CREBBP: variants seen among roughly 807,000 people sequenced by gnomAD.
The protein encoded by CREBBP is CREB binding lysine acetyltransferase.
Under a neutral mutation model 265.0 loss-of-function variants are expected in CREBBP, and 19 were observed. The observed-to-expected ratio is 0.07, with a 90% CI of 0.05 to 0.11. The LOEUF is 0.11. Ranked by LOEUF, CREBBP falls within the 10% of genes least tolerant of loss-of-function variation. CREBBP has a pLI of 1.00. For missense variants in CREBBP, 2,525 were observed against 3,219.0 expected (o/e 0.78, Z 5.22); for synonymous variants, 1,457 against 1,223.7 (o/e 1.19, Z -3.98).
chr16:3,879,860 C>A lies in CREBBP; in HGVS notation c.57G>T (p.Ser19=), dbSNP rs142859543. Residue 19 remains serine, a synonymous_variant, in exon 1 of 31, where the codon TCG becomes TCT. Coordinates refer to ENST00000262367, the MANE Select transcript of CREBBP (RefSeq NM_004380.3). ...PPNPKRAKLS[S]PGFSANDSTD... ...TGCTGTCATTCGCCGAGAAACCGGGCGAGCTGAGTTTGGCTCTTTTGGGGT... is the reference window on the plus strand; with the variant it reads ...TGCTGTCATTCGCCGAGAAACCGGGAGAGCTGAGTTTGGCTCTTTTGGGGT... The A allele has an allele frequency of 1.9e-5, 31 of 1,611,948 alleles. No individual in the cohort carries two copies. Among genetic ancestry groups the A allele is most frequent in the Non-Finnish European group, 2.5e-5 (29 of 1,179,166 alleles).
Position 3,780,776 on chromosome 16 carries a change from G to A in CREBBP, c.1779C>T (p.His593=), listed in dbSNP as rs370195990. Residue 593 remains histidine (H), a synonymous_variant, in exon 8 of 31, where the codon CAC becomes CAT. Coordinates refer to ENST00000262367, the MANE Select transcript of CREBBP (RefSeq NM_004380.3). ...TCCGCAGGTCCTGAGTGACATGTTC[G>A]TGCCAGCCTTTCCTTACACCGGTGC... The part of the protein sequence containing the change: ...PSSTGVRKGW[H]EHVTQDLRSH... 8.7e-6 allele frequency: 14 copies of A among 1,613,896 alleles called. No homozygotes were observed. Among genetic ancestry groups the A allele is most frequent in the Middle Eastern group, 1.7e-4 (1 of 5,994 alleles).
chr16:3,816,489 A>G (rs1306118616), intron 2 of CREBBP, among the ~76,000 whole-genome samples: 2 of 152,208 alleles, frequency 1.3e-5, no homozygotes, highest in Non-Finnish European at 2.9e-5. Context: ...CTCAAAACCC[A>G]AGAACAATAC....
chr16:3,736,260 T>C (rs1296707351), intron 27 of CREBBP, 57 bp from the exon 28 acceptor site: 11 of 1,564,690 alleles, frequency 7.0e-6, no homozygotes, highest in African/African-American at 2.7e-5. Flanking sequence ...CCCCCCACCA[T>C]GGTGCGACAG....
chr16:3,747,421 T>C (rs2052367447), intron 21 of CREBBP, among the ~76,000 whole-genome samples: 1 of 152,236 alleles, frequency 6.6e-6, no homozygotes, highest in Non-Finnish European at 1.5e-5. Flanking sequence ...GTTTCTAGAA[T>C]GCTCTGCAGC....
Position 3,731,216 on chromosome 16 carries a change from C to T in CREBBP, c.5148G>A (p.Thr1716=), listed in dbSNP as rs376575063. ...CCTCGCACACAGTGCAGTGCCAGCG[C>T]GTCTCCACGTGGTGCTTGCACTCGT... ...TCNECKHHVE[T]RWHCTVCEDY... is the part of the protein sequence containing the mutation. The change falls in exon 30 of 31, where the codon ACG becomes ACA. Residue 1716 remains threonine, a synonymous_variant. Transcript: ENST00000262367. The surrounding 1 kb of genome is among the most constrained non-coding windows in gnomAD (Gnocchi z 7.7). 2.5e-5 allele frequency: 40 copies of T among 1,613,694 alleles called. No homozygotes were observed. The highest frequency in any genetic ancestry group is 3.1e-5 in the Non-Finnish European group (36 of 1,179,938).
intron 11 of CREBBP, among the ~76,000 whole-genome samples, chr16:3,777,297 T>C (rs2053165594): frequency 6.6e-6 from 1 of 151,922 alleles, no homozygotes; most frequent in Admixed American, 6.5e-5. Flanking sequence ...ATGGAGCCAC[T>C]GCACTCCAGC....
At position 3,728,926 on chromosome 16, in the gene CREBBP, A is replaced by G. The variant is rs758359901; in HGVS notation, c.6121T>C (p.Ser2041Pro). 6.2e-6 allele frequency: 10 copies of G among 1,604,710 alleles called. No homozygotes were observed. The highest frequency in any genetic ancestry group is 1.3e-5 in the African/African-American group (1 of 74,826). ...GCCACGGCCGCCTGGGCCTGCATGG[A>G]TATCACAGGCCTGGGCAAGCCTGGC... ...PMPGLPRPVI[S>P]MQAQAAVAGP... The change falls in exon 31 of 31, where the codon TCC (serine) becomes CCC (proline). Residue 2041 changes from serine to proline, a missense_variant. This residue lies in a region of CREBBP where 275 missense variants were observed against 276.5 expected (regional missense o/e 0.99). Transcript: ENST00000262367. This position sits in a 1 kb window ranked among gnomAD's most constrained non-coding sequence, Gnocchi z 8.7.
chr16:3,870,532 T>G (rs925802995), intron 1 of CREBBP, among the ~76,000 whole-genome samples: 49 of 152,158 alleles, frequency 3.2e-4, no homozygotes, highest in African/African-American at 1.2e-3. Context: ...TAAAAAACAG[T>G]TGAACTGCAA....
At chr16:3,751,297 T>G (rs2052467630) in intron 20 of CREBBP, among the ~76,000 whole-genome samples, 1 of 151,978 alleles carries the variant, frequency 6.6e-6, no homozygotes, top group Non-Finnish European at 1.5e-5. Flanking sequence ...TGATCATAGT[T>G]AATATGAAAC....
intron 1 of CREBBP, among the ~76,000 whole-genome samples, chr16:3,874,686 C>T (rs1224685484): frequency 1.3e-5 from 2 of 152,178 alleles, no homozygotes; most frequent in African/African-American, 4.8e-5. Context: ...CCAACTGTAG[C>T]CCCTCTCTCA....
chr16:3,728,564 C>G lies in CREBBP; in HGVS notation c.6483G>C (p.Met2161Ile), dbSNP rs555129689. Reference protein sequence around the residue: ...RPGVPPQQQAMGGLNPQGQAL... With the variant: ...RPGVPPQQQAIGGLNPQGQAL... The stretch of plus-strand genomic sequence containing the variant: ...CCTGGCCCTGGGGGTTCAGGCCTCC[C>G]ATCGCCTGCTGCTGTGGAGGCACAC... Residue 2161 changes from methionine (M) to isoleucine (I), a missense_variant, in exon 31 of 31, where the codon ATG becomes ATC. Met to Ile is a conservative substitution (Grantham distance 10). Transcript: ENST00000262367. This position sits in a 1 kb window ranked among gnomAD's most constrained non-coding sequence, Gnocchi z 8.7. 40 of 1,614,038 alleles carry G rather than the reference C, an allele frequency of 2.5e-5. 1 individual carries two copies. In the South Asian group the frequency reaches 4.4e-4, roughly 18 times the overall value.
At chr16:3,749,325 T>C (rs2052421126) in intron 21 of CREBBP, among the ~76,000 whole-genome samples, 1 of 152,242 alleles carries the variant, frequency 6.6e-6, no homozygotes, top group Admixed American at 6.5e-5. Flanking sequence ...TCTCTAAAGA[T>C]TCATGCTAAA....
intron 28 of CREBBP, among the ~76,000 whole-genome samples, chr16:3,735,625 A>G (rs886956877): frequency 6.6e-6 from 1 of 152,120 alleles, no homozygotes; most frequent in Admixed American, 6.6e-5. Flanking sequence ...CTCAGTCTGC[A>G]CTGCCTGGCA....
intron 2 of CREBBP, among the ~76,000 whole-genome samples, chr16:3,828,658 C>T (rs1465277219): frequency 6.6e-6 from 1 of 152,184 alleles, no homozygotes; most frequent in African/African-American, 2.4e-5. Flanking sequence ...ATTTCACCAT[C>T]ATAGTTTGAA....
Position 3,727,821 on chromosome 16 carries a change from A to G in CREBBP, c.7226T>C (p.Leu2409Pro), listed in dbSNP as rs2151298455. 1.9e-6 allele frequency: 3 copies of G among 1,613,766 alleles called. No homozygotes were observed. The highest frequency in any genetic ancestry group is 2.5e-6 in the Non-Finnish European group (3 of 1,179,978). ...HLGNPEQSAMLPQLNTPSRSA... is the reference protein window; with the variant it reads ...HLGNPEQSAMPPQLNTPSRSA... The stretch of plus-strand genomic sequence containing the variant: ...CCTGCTGGGGGTGTTCAGCTGGGGG[A>G]GCATTGCACTCTGTTCGGGGTTCCC... Residue 2409 changes from leucine to proline, a missense_variant, in exon 31 of 31, where the codon CTC (leucine) becomes CCC (proline). Leu to Pro is a moderately conservative substitution (Grantham distance 98). Transcript: ENST00000262367.
At chr16:3,870,056 G>C (rs1377071000) in intron 1 of CREBBP, among the ~76,000 whole-genome samples, 1 of 152,038 alleles carries the variant, frequency 6.6e-6, no homozygotes, top group African/African-American at 2.4e-5. Context: ...CAATAAAGGT[G>C]ACGTTCTGAA....
intron 2 of CREBBP, among the ~76,000 whole-genome samples, chr16:3,813,582 G>C (rs541666800): frequency 6.6e-6 from 1 of 151,980 alleles, no homozygotes; most frequent in African/African-American, 2.4e-5. Context: ...ACAACAACAC[G>C]AACAACAACA....
chr16:3,818,821 T>C (rs1049731044), intron 2 of CREBBP, among the ~76,000 whole-genome samples: 8 of 152,094 alleles, frequency 5.3e-5, no homozygotes, highest in Non-Finnish European at 5.9e-5. Flanking sequence ...AGTAATAAGC[T>C]TTGCAAAGAC....
chr16:3,744,209 G>T (rs3025680), intron 23 of CREBBP, among the ~76,000 whole-genome samples: 1,614 of 152,230 alleles, frequency 0.011, 27 homozygotes, highest in African/African-American at 0.036. Context: ...GGCTCCTACC[G>T]CTCCTGGGGT....
Sources: allele counts gnomAD v4.1 joint callset (sites outside exome capture counted in the v4.1 genomes callset), GRCh38; gene constraint gnomAD v4.1.1; regional missense constraint gnomAD v4.1.1; non-coding constraint Gnocchi (gnomAD v3.1); transcripts MANE v1.5; gene names NCBI Gene and HGNC (gene_info 2026-07-23, HGNC 2026-07-21).